Variants in MCEE observed in about 807,000 individuals in gnomAD.
The protein encoded by MCEE is methylmalonyl-CoA epimerase, also known as methylmalonyl-CoA epimerase, mitochondrial.
A neutral mutation model predicts 12.9 loss-of-function variants in MCEE; 6 were observed. That is an observed-to-expected ratio of 0.47 (90% CI 0.26 to 0.92). MCEE has a LOEUF of 0.92. MCEE is among the 40% of genes least tolerant of loss of function. MCEE has a pLI of 0.16. For synonymous variants in MCEE, 78 were observed against 77.9 expected, an observed-to-expected ratio of 1.00 and a Z score of -0.01; for missense variants, 214 against 212.1, an observed-to-expected ratio of 1.01 and a Z score of -0.05.
At chr2:71,112,732 C>T (rs185933691) in intron 2 of MCEE, among the ~76,000 whole-genome samples, 98 of 152,264 alleles carry the variant, frequency 6.4e-4, no homozygotes, top group Non-Finnish European at 9.3e-4. Flanking sequence ...CACTGTTGCC[C>T]GGCCTGGTGT....
chr2:71,110,046 C>A lies in MCEE; in HGVS notation c.455G>T (p.Gly152Val), dbSNP rs1672855450. The A allele has an allele frequency of 6.2e-7, 1 of 1,613,418 alleles. No individual in the cohort carries two copies. Among genetic ancestry groups the A allele is most frequent in the Non-Finnish European group, 8.5e-7 (1 of 1,179,574 alleles). Residue 152 changes from glycine (G) to valine (V), a missense_variant, in exon 3 of 3, where the codon GGA (glycine) becomes GTA (valine). Transcript: ENST00000244217. ...IRSLSEEVKI[G>V]AHGKPVIFLH... is the part of the protein sequence containing the mutation. Reference sequence around the variant, plus strand: ...AAAAATCACTGGTTTTCCATGTGCTCCTATTTTGACCTCTTCACTTAGACT... The same window carrying A: ...AAAAATCACTGGTTTTCCATGTGCTACTATTTTGACCTCTTCACTTAGACT...
intron 2 of MCEE, among the ~76,000 whole-genome samples, chr2:71,114,756 A>G (rs1672957460): frequency 1.3e-5 from 2 of 152,204 alleles, no homozygotes; most frequent in Non-Finnish European, 2.9e-5. Flanking sequence ...ACCCAAACTG[A>G]GTAAGGGTAA....
rs1054222912 is a variant in MCEE at position 71,110,202 on chromosome 2, T to C, written c.379-80A>G. The stretch of plus-strand genomic sequence containing the variant: ...TAGTATCATAAGACTTAGAAAAAAC[T>C]TTGAGAGCTCATGCAGTCTATCTCC... On this transcript the variant is annotated intron_variant, in intron 2 of 2. Coordinates refer to ENST00000244217, the MANE Select transcript of MCEE (RefSeq NM_032601.4). 4 of 1,268,304 alleles carry C rather than the reference T, an allele frequency of 3.2e-6. No homozygotes were observed. The African/African-American group carries it at 5.9e-5, about 19-fold the overall frequency. 78.6% of individuals were successfully genotyped at this position (1,268,304 alleles called of 1,614,324 possible). A position where few individuals can be genotyped will look rare whatever the true frequency, so the allele number is the denominator to read the frequency against.
chr2:71,116,444 T>C (rs765345776), intron 2 of MCEE, among the ~76,000 whole-genome samples: 12 of 150,042 alleles, frequency 8.0e-5, no homozygotes, highest in Non-Finnish European at 1.2e-4. Flanking sequence ...TTGGTATTTA[T>C]CTGTATCTGA....
At chr2:71,121,931 C>A (rs76497479) in intron 2 of MCEE, among the ~76,000 whole-genome samples, 1 of 152,096 alleles carries the variant, frequency 6.6e-6, no homozygotes, top group Non-Finnish European at 1.5e-5. Flanking sequence ...AGAGTGCAGA[C>A]CCTGGAATCA....
intron 1 of MCEE, among the ~76,000 whole-genome samples, chr2:71,127,308 A>G (rs772766537): frequency 1.1e-4 from 17 of 152,216 alleles, no homozygotes; most frequent in Non-Finnish European, 2.1e-4. Context: ...CTTTCAGTTC[A>G]GATTTTGCAT....
chr2:71,110,793 C>T (rs1572884766), intron 2 of MCEE: 1 of 152,306 alleles, frequency 6.6e-6, no homozygotes, highest in Admixed American at 6.5e-5. Context: ...GCAGATGTGT[C>T]TCTCTATACT....
At chr2:71,121,696 G>C (rs59572620) in intron 2 of MCEE, among the ~76,000 whole-genome samples, 6,177 of 150,958 alleles carry the variant, frequency 0.041, 384 homozygotes, top group African/African-American at 0.13. Flanking sequence ...TGTGGGAGAG[G>C]GGGGAGTGGA....
chr2:71,123,960 G>C (rs1264824954), intron 2 of MCEE, among the ~76,000 whole-genome samples: 1 of 152,068 alleles, frequency 6.6e-6, no homozygotes, highest in Non-Finnish European at 1.5e-5. Flanking sequence ...GGCTAACTTT[G>C]GTGGCACTTA....
chr2:71,126,879 G>A (rs543453181), intron 1 of MCEE, among the ~76,000 whole-genome samples: 2 of 152,278 alleles, frequency 1.3e-5, no homozygotes, highest in South Asian at 4.1e-4. Flanking sequence ...CAACACTGAA[G>A]CTACCTTTTT....
chr2:71,125,479 T>A (rs776849945), intron 1 of MCEE, among the ~76,000 whole-genome samples: 32 of 151,590 alleles, frequency 2.1e-4, no homozygotes, highest in African/African-American at 6.8e-4. Flanking sequence ...AGTGATAGGA[T>A]TAGAGATGTG....
At chr2:71,110,539 C>G (rs1333015864) in intron 2 of MCEE, among the ~76,000 whole-genome samples, 1 of 152,118 alleles carries the variant, frequency 6.6e-6, no homozygotes, top group African/African-American at 2.4e-5. Flanking sequence ...AGATAAAAAG[C>G]TTTCAGTACA....
chr2:71,120,738 ATTTT>A (rs56309920), intron 2 of MCEE, among the ~76,000 whole-genome samples: 3 of 144,974 alleles, frequency 2.1e-5, no homozygotes, highest in Non-Finnish European at 3.0e-5. Flanking sequence ...GTGGTTCAAC[ATTTT>A]TTTTTTTTTT....
At chr2:71,114,776 T>C (rs1254008015) in intron 2 of MCEE, among the ~76,000 whole-genome samples, 1 of 152,192 alleles carries the variant, frequency 6.6e-6, no homozygotes, top group Non-Finnish European at 1.5e-5. Context: ...AAATGACATG[T>C]TGTTCATTTA....
intron 2 of MCEE, among the ~76,000 whole-genome samples, chr2:71,111,473 A>G (rs1458960071): frequency 6.6e-6 from 1 of 152,162 alleles, no homozygotes; most frequent in Non-Finnish European, 1.5e-5. Flanking sequence ...CTACCAAGCC[A>G]AAGCCCTTCT....
chr2:71,117,613 A>C (rs1673019595), intron 2 of MCEE: 1 of 150,396 alleles, frequency 6.6e-6, no homozygotes, highest in South Asian at 2.1e-4. Context: ...AAGCACAAAC[A>C]AGAAAATGAG....
chr2:71,128,699 T>G (rs1247051778), intron 1 of MCEE, among the ~76,000 whole-genome samples: 3 of 152,034 alleles, frequency 2.0e-5, no homozygotes, highest in Admixed American at 1.3e-4. Flanking sequence ...CCGGCTAATT[T>G]TTGTATTTTT....
chr2:71,118,093 G>A (rs1673030459), intron 2 of MCEE, among the ~76,000 whole-genome samples: 2 of 149,994 alleles, frequency 1.3e-5, no homozygotes, highest in Admixed American at 1.3e-4. Context: ...GCGTCCCAGT[G>A]GATACACATC....
At chr2:71,120,426 G>A (rs1469142411) in intron 2 of MCEE, among the ~76,000 whole-genome samples, 1 of 150,346 alleles carries the variant, frequency 6.7e-6, no homozygotes, top group African/African-American at 2.5e-5. Flanking sequence ...ACTTGAGCAA[G>A]AGAAGAGATG....
Sources: gnomAD v4.1 joint callset for allele counts (sites outside exome capture counted in the v4.1 genomes callset) on GRCh38, gnomAD v4.1.1 for gene constraint, MANE v1.5 for transcripts, NCBI Gene and HGNC (gene_info 2026-07-23, HGNC 2026-07-21) for gene names.